The following NTM variants were observed in gnomAD, a reference collection of about 807,000 sequenced individuals.
The protein encoded by NTM is IgLON family member 2.
Under a neutral mutation model 42.1 loss-of-function variants are expected in NTM, and 13 were observed. The observed-to-expected ratio is 0.31, with a 90% CI of 0.20 to 0.49. NTM has a LOEUF of 0.49. Among genes scored for constraint, NTM ranks in the 20% least tolerant of loss-of-function variants. NTM has a pLI of 0.99. For synonymous variants in NTM, 187 were observed against 179.2 expected (o/e 1.04, Z -0.35); for missense variants, 373 against 452.8 (o/e 0.82, Z 1.60).
At chr11:132,208,216 C>A (rs1180274566) in intron 3 of NTM, among the ~76,000 whole-genome samples, 1 of 152,186 alleles carries the variant, frequency 6.6e-6, no homozygotes, top group Non-Finnish European at 1.5e-5. Flanking sequence ...TAGCTAAAAC[C>A]ACAGTGCACC....
chr11:131,615,098 T>G (rs1456631551), intron 1 of NTM, among the ~76,000 whole-genome samples: 1 of 152,164 alleles, frequency 6.6e-6, no homozygotes, highest in Non-Finnish European at 1.5e-5. Context: ...GACAAAGCAA[T>G]ATTCTATCTT....
intron 2 of NTM, among the ~76,000 whole-genome samples, chr11:132,025,680 A>G (rs762949842): frequency 6.6e-6 from 1 of 152,156 alleles, no homozygotes; most frequent in Non-Finnish European, 1.5e-5. Context: ...CTGGGTCCAT[A>G]GCCACAGATT....
chr11:132,215,588 G>C (rs1162943953), intron 4 of NTM, among the ~76,000 whole-genome samples: 2 of 152,204 alleles, frequency 1.3e-5, no homozygotes, highest in African/African-American at 2.4e-5. Flanking sequence ...ATATCAGATA[G>C]AGAAAATGTC....
chr11:131,815,018 G>A (rs1012509214), intron 1 of NTM, among the ~76,000 whole-genome samples: 3 of 152,068 alleles, frequency 2.0e-5, no homozygotes, highest in Non-Finnish European at 4.4e-5. Flanking sequence ...CTGCCAGTCC[G>A]TTTTCTATTG....
At chr11:132,070,504 A>G (rs2057400910) in intron 2 of NTM, among the ~76,000 whole-genome samples, 1 of 125,458 alleles carries the variant, frequency 8.0e-6, no homozygotes, top group Non-Finnish European at 1.7e-5. Context: ...GTCACAGGTT[A>G]GTTAACACGT....
intron 2 of NTM, among the ~76,000 whole-genome samples, chr11:132,136,968 G>T (rs576687089): frequency 6.6e-6 from 1 of 152,278 alleles, no homozygotes; most frequent in African/African-American, 2.4e-5. Flanking sequence ...GGAGGAGCAA[G>T]GTAATTCCAG....
intron 4 of NTM, among the ~76,000 whole-genome samples, chr11:132,254,081 G>A (rs901168183): frequency 6.6e-6 from 1 of 152,148 alleles, no homozygotes; most frequent in African/African-American, 2.4e-5. Flanking sequence ...ACCTGGTGTT[G>A]TTTGCTATCC....
intron 4 of NTM, among the ~76,000 whole-genome samples, chr11:132,259,949 A>G (rs1326567857): frequency 1.3e-5 from 2 of 152,002 alleles, no homozygotes. Flanking sequence ...GGGTTTCACC[A>G]TGTTGATCAG....
chr11:131,785,529 C>T (rs1317146580), intron 1 of NTM, among the ~76,000 whole-genome samples: 1 of 152,168 alleles, frequency 6.6e-6, no homozygotes, highest in African/African-American at 2.4e-5. Context: ...AAAGAGCATG[C>T]TGGTTTTCTG....
In NTM at chr11:132,264,556, G is replaced by C. The variant is rs867341068; in HGVS notation, c.527-43133G>C. Among the ~76,000 whole-genome samples, 3 of 151,924 alleles carry C rather than the reference G, an allele frequency of 2.0e-5. No individual in the cohort carries two copies. The East Asian group carries it at 5.8e-4, about 29-fold the overall frequency. ...TATTCCTTTATGGCTTTATCATCTCGTGTTTTGCTTAGGCAGGCTTGCATT... is the reference window on the plus strand; with the variant it reads ...TATTCCTTTATGGCTTTATCATCTCCTGTTTTGCTTAGGCAGGCTTGCATT... On this transcript the variant is annotated intron_variant, in intron 4 of 8. Transcript: ENST00000683400.
intron 4 of NTM, among the ~76,000 whole-genome samples, chr11:132,302,550 A>T (rs2094904744): frequency 6.6e-6 from 1 of 152,136 alleles, no homozygotes; most frequent in African/African-American, 2.4e-5. Flanking sequence ...CATTGAATTC[A>T]ACGTGTTGTT....
intron 1 of NTM, among the ~76,000 whole-genome samples, chr11:131,773,605 A>T (rs1047019925): frequency 2.0e-5 from 3 of 152,190 alleles, no homozygotes; most frequent in African/African-American, 7.2e-5. Flanking sequence ...TTAAATCAGA[A>T]ATAAATTATG....
At chr11:132,150,926 C>T (rs2071754703) in intron 3 of NTM, among the ~76,000 whole-genome samples, 1 of 152,184 alleles carries the variant, frequency 6.6e-6, no homozygotes, top group South Asian at 2.1e-4. Flanking sequence ...GCCTTGAATA[C>T]TTCCTTCAAA....
chr11:132,244,134 C>T (rs2090671520), intron 4 of NTM, among the ~76,000 whole-genome samples: 1 of 152,220 alleles, frequency 6.6e-6, no homozygotes, highest in Non-Finnish European at 1.5e-5. Flanking sequence ...TCCTGCCACA[C>T]CTGCAGCCAG....
At chr11:131,809,445 C>A (rs187970959) in intron 1 of NTM, among the ~76,000 whole-genome samples, 140 of 152,302 alleles carry the variant, frequency 9.2e-4, no homozygotes, top group Non-Finnish European at 1.9e-3. Flanking sequence ...CCTCATGGAG[C>A]AGCTGATCAC....
At position 132,293,549 on chromosome 11, in the gene NTM, C is replaced by G. The variant is rs55900785; in HGVS notation, c.527-14140C>G. ...TCCGATGAAGGGTTATATGAAACAG[C>G]GGGTGTGAGACTACAGGAAATCATA... is the stretch of plus-strand genomic sequence containing the variant. On this transcript the variant is annotated intron_variant, in intron 4 of 8. Coordinates refer to ENST00000683400, the MANE Select transcript of NTM (RefSeq NM_001352005.2). Among the ~76,000 whole-genome samples, 853 of 152,072 alleles carry G rather than the reference C, an allele frequency of 5.6e-3. 5 individuals carry two copies. Among genetic ancestry groups the G allele is most frequent in the African/African-American group, 0.019 (790 of 41,490 alleles).
chr11:132,151,385 A>G lies in NTM; in HGVS notation c.400+4871A>G, dbSNP rs60753248. On this transcript the variant is annotated intron_variant, in intron 3 of 8. Transcript: ENST00000683400. The stretch of plus-strand genomic sequence containing the variant: ...CCATGGTTGTGTGCAGAGTGTTAAG[A>G]AAGGTCCTCCTTATCCAAGTATGGA... Among the ~76,000 whole-genome samples, 19 of 152,318 alleles carry G rather than the reference A, an allele frequency of 1.2e-4. No homozygotes were observed. In the East Asian group the frequency reaches 3.7e-3, roughly 29 times the overall value.
intron 2 of NTM, among the ~76,000 whole-genome samples, chr11:131,958,749 C>A (rs1593185799): frequency 6.6e-6 from 1 of 152,182 alleles, no homozygotes; most frequent in Non-Finnish European, 1.5e-5. Context: ...TTAGCAGTTC[C>A]CATCACTTAC....
chr11:131,558,592 T>C (rs2055774326), intron 1 of NTM, among the ~76,000 whole-genome samples: 1 of 152,188 alleles, frequency 6.6e-6, no homozygotes, highest in Non-Finnish European at 1.5e-5. Flanking sequence ...TTAAAACAGC[T>C]CCAAGGTGAT....
Sources: gnomAD v4.1 joint callset for allele counts (sites outside exome capture counted in the v4.1 genomes callset) on GRCh38, gnomAD v4.1.1 for gene constraint, MANE v1.5 for transcripts, NCBI Gene and HGNC (gene_info 2026-07-23, HGNC 2026-07-21) for gene names.